Variants in ARID4B observed in about 807,000 individuals in gnomAD.
ARID4B encodes the protein AT-rich interaction domain 4B.
ARID4B carries 26 observed loss-of-function variants against 147.5 expected under a neutral mutation model. The observed-to-expected ratio is 0.18, with a 90% CI of 0.13 to 0.24. The LOEUF (loss-of-function observed/expected upper bound fraction) is 0.24, where lower values mean the gene tolerates loss of function less well. ARID4B is among the 10% of genes least tolerant of loss of function. The pLI, the probability that ARID4B is intolerant of heterozygous loss-of-function variation, is 1.00. For missense variants in ARID4B, 1,179 were observed against 1,511.5 expected, an observed-to-expected ratio of 0.78 and a Z score of 3.65; for synonymous variants, 512 against 507.9, an observed-to-expected ratio of 1.01 and a Z score of -0.11.
intron 21 of ARID4B, 187 bp downstream of exon 21, chr1:235,177,613 A>G (rs1571901058): frequency 2.0e-6 from 1 of 488,360 alleles, no homozygotes; most frequent in Non-Finnish European, 3.6e-6. Context: ...GTCCTAGTGC[A>G]TGTTTTTTTT....
intron 17 of ARID4B, among the ~76,000 whole-genome samples, chr1:235,203,147 A>G (rs966696232): frequency 6.6e-6 from 1 of 152,256 alleles, no homozygotes; most frequent in African/African-American, 2.4e-5. Flanking sequence ...AGGCTAAAAG[A>G]TACCATTCAG....
In ARID4B at chr1:235,173,779, T is replaced by A. The variant is rs1454246995; in HGVS notation, c.3665-1015A>T. 6.8e-3 allele frequency among the ~76,000 whole-genome samples: 256 copies of A among 37,816 alleles called. 3 individuals carry two copies. Among genetic ancestry groups the A allele is most frequent in the African/African-American group, 0.018 (109 of 6,064 alleles). 24.8% of individuals were successfully genotyped at this position (37,816 alleles called of 152,430 possible). A position where few individuals can be genotyped will look rare whatever the true frequency, so the allele number is the denominator to read the frequency against. Reference sequence around the variant, plus strand: ...AAAAAAAAAAAAAAAAAAATATATATATATATATATATATATATATATATA... The same window carrying A: ...AAAAAAAAAAAAAAAAAAATATATAAATATATATATATATATATATATATA... On this transcript the variant is annotated intron_variant, in intron 22 of 23. Transcript: ENST00000264183.
intron 9 of ARID4B, among the ~76,000 whole-genome samples, 189 bp from the exon 10 acceptor site, chr1:235,231,378 G>A (rs1030687514): frequency 4.6e-5 from 7 of 152,184 alleles, no homozygotes; most frequent in Admixed American, 2.0e-4. Context: ...GTTAAAATAC[G>A]TAATCATCTA....
rs767716325 is a variant in ARID4B, at chr1:235,168,583, A to G, written c.3881T>C (p.Leu1294Ser). The G allele has an allele frequency of 2.5e-6, 4 of 1,614,162 alleles. No homozygotes were observed. The highest frequency in any genetic ancestry group is 8.5e-7 in the Non-Finnish European group (1 of 1,180,002). The change falls in exon 24 of 24, where the codon TTA (leucine) becomes TCA (serine). Residue 1294 changes from leucine to serine, a missense_variant. Transcript: ENST00000264183. ...TGCGCTGGACATTGACGGTTCAGCT[A>G]AAGTTAACATAACAGCAGCTGTTAT... ...SSITAAVMLT[L>S]AEPSMSSASQ...
At chr1:235,168,795 T>G (rs1475955196) in intron 23 of ARID4B, 143 bp from the exon 24 acceptor site, 2 of 861,474 alleles carry the variant, frequency 2.3e-6, no homozygotes, top group African/African-American at 3.4e-5. Flanking sequence ...ATTCTCACAG[T>G]TCTACGATGT....
intron 2 of ARID4B, among the ~76,000 whole-genome samples, chr1:235,293,357 A>T (rs1199498068): frequency 1.3e-5 from 2 of 152,212 alleles, no homozygotes; most frequent in Non-Finnish European, 2.9e-5. Flanking sequence ...GCTCATTTTA[A>T]AAACCAAACA....
chr1:235,240,247 G>T, intron 8 of ARID4B, 66 bp downstream of exon 8: 1 of 1,407,572 alleles, frequency 7.1e-7, no homozygotes, highest in South Asian at 1.4e-5. Flanking sequence ...ACATTAGTAA[G>T]AAAATTGTTT....
At position 235,298,447 on chromosome 1, in the gene ARID4B, G is replaced by A. The variant is rs532539492; in HGVS notation, c.6+28467C>T. Reference sequence around the variant, plus strand: ...ATATTTAGTCTAAAAATCAATTACCGTATTACATTATATATATCCATATAT... The same window carrying A: ...ATATTTAGTCTAAAAATCAATTACCATATTACATTATATATATCCATATAT... On this transcript the variant is annotated intron_variant, in intron 2 of 23. Transcript: ENST00000264183. 2.8e-4 allele frequency among the ~76,000 whole-genome samples: 41 copies of A among 147,830 alleles called. No homozygotes were observed. In the East Asian group the frequency reaches 4.2e-3, roughly 15 times the overall value.
At position 235,172,768 on chromosome 1, in the gene ARID4B, T is replaced by A; in HGVS notation, c.3665-4A>T. 1.3e-6 allele frequency: 2 copies of A among 1,538,466 alleles called. No individual in the cohort carries two copies. The highest frequency in any genetic ancestry group is 2.6e-5 in the South Asian group (2 of 77,736). On this transcript the variant is annotated splice_region_variant and splice_polypyrimidine_tract_variant and intron_variant, in intron 22 of 23. Coordinates refer to ENST00000264183, the MANE Select transcript of ARID4B (RefSeq NM_016374.6). ...CTTGTCATATTTTCCAGGTCCGCTATAAATTTAAAGCTTTCATTAACAGAC... is the reference window on the plus strand; with the variant it reads ...CTTGTCATATTTTCCAGGTCCGCTAAAAATTTAAAGCTTTCATTAACAGAC...
chr1:235,221,568 T>A lies in ARID4B; in HGVS notation c.1160A>T (p.Lys387Ile). 3 of 1,575,116 alleles carry A rather than the reference T, an allele frequency of 1.9e-6. No individual in the cohort carries two copies. The highest frequency in any genetic ancestry group is 2.6e-6 in the Non-Finnish European group (3 of 1,151,430). The change falls in exon 14 of 24, where the codon AAA (lysine) becomes ATA (isoleucine). Residue 387 changes from lysine (K) to isoleucine (I), a missense_variant. Lys to Ile is a moderately radical substitution (Grantham distance 102, BLOSUM62 -3). Transcript: ENST00000264183. ...AAGYNVKCAY[K>I]KYLYGFEEYC... Reference sequence around the variant, plus strand: ...CATATCAATTATACTAACTTACTTTTTATAAGCACATTTAACATTGTATCC... The same window carrying A: ...CATATCAATTATACTAACTTACTTTATATAAGCACATTTAACATTGTATCC...
At chr1:235,311,785 A>C (rs1045963861) in intron 2 of ARID4B, among the ~76,000 whole-genome samples, 1 of 152,098 alleles carries the variant, frequency 6.6e-6, no homozygotes, top group Non-Finnish European at 1.5e-5. Context: ...AAAACAAAAA[A>C]CAAAACAAAC....
intron 2 of ARID4B, among the ~76,000 whole-genome samples, chr1:235,326,355 C>A (rs1376757199): frequency 6.6e-6 from 1 of 152,086 alleles, no homozygotes. Context: ...ATTTACAGAC[C>A]AACCAGATCA....
intron 6 of ARID4B, 90 bp downstream of exon 6, chr1:235,252,640 G>T: frequency 9.8e-7 from 1 of 1,023,730 alleles, no homozygotes; most frequent in Non-Finnish European, 1.5e-6. Context: ...TTCCTGATTA[G>T]GAAGTAGGTT....
At chr1:235,322,800 A>G (rs1674933591) in intron 2 of ARID4B, among the ~76,000 whole-genome samples, 1 of 151,960 alleles carries the variant, frequency 6.6e-6, no homozygotes, top group Admixed American at 6.6e-5. Context: ...GGTGAGACAG[A>G]AGGAAGAGGG....
intron 9 of ARID4B, among the ~76,000 whole-genome samples, chr1:235,232,737 A>AC (rs2103052981): frequency 6.6e-6 from 1 of 151,910 alleles, no homozygotes; most frequent in East Asian, 1.9e-4. Flanking sequence ...CATTTTCCTT[A>AC]CCCCCCAACA....
chr1:235,210,078 T>G (rs933560504), intron 17 of ARID4B, among the ~76,000 whole-genome samples: 1 of 151,764 alleles, frequency 6.6e-6, no homozygotes, highest in Non-Finnish European at 1.5e-5. Flanking sequence ...AGATAAAAAA[T>G]TAGCCAGGTG....
intron 2 of ARID4B, among the ~76,000 whole-genome samples, chr1:235,272,065 C>T (rs2103148308): frequency 1.3e-5 from 2 of 152,298 alleles, no homozygotes; most frequent in South Asian, 4.1e-4. Context: ...AAACATCAAT[C>T]TTTAATCACT....
intron 2 of ARID4B, among the ~76,000 whole-genome samples, chr1:235,321,009 T>C (rs189257776): frequency 3.3e-5 from 5 of 152,326 alleles, no homozygotes. Context: ...GTGTCCACCA[T>C]AGTAGAAAGT....
chr1:235,286,044 G>GGTTTTGTTTTGTTTTGTTTT (rs71172286), intron 2 of ARID4B, among the ~76,000 whole-genome samples: 6 of 138,542 alleles, frequency 4.3e-5, no homozygotes, highest in African/African-American at 1.8e-4. Context: ...CTGGCTTTTG[G>GGTTTTGTTTTGTTTTGTTTT]GTTTTGTTTT....
Sources: allele counts gnomAD v4.1 joint callset (sites outside exome capture counted in the v4.1 genomes callset), GRCh38; gene constraint gnomAD v4.1.1; transcripts MANE v1.5; gene names NCBI Gene and HGNC (gene_info 2026-07-23, HGNC 2026-07-21).